The following FAM78B variants were observed in gnomAD, a reference collection of about 807,000 sequenced individuals.
FAM78B encodes the protein family with sequence similarity 78 member B.
In FAM78B, 10 loss-of-function variants were observed where a neutral mutation model predicts 20.0. The observed-to-expected ratio is 0.50, with a 90% CI of 0.31 to 0.85. The LOEUF (loss-of-function observed/expected upper bound fraction) is 0.85. FAM78B is among the 40% of genes least tolerant of loss of function. FAM78B has a pLI of 0.05. For missense variants in FAM78B, 283 were observed against 345.0 expected (o/e 0.82, Z 1.42); for synonymous variants, 135 against 132.8 (o/e 1.02, Z -0.12).
intron 1 of FAM78B, among the ~76,000 whole-genome samples, chr1:166,099,953 T>C (rs557352155): frequency 7.3e-4 from 111 of 152,170 alleles, no homozygotes; most frequent in Non-Finnish European, 1.4e-3. Context: ...AGCCGCAGAA[T>C]ACAGATTCTA....
chr1:166,068,842 C>CT (rs199980251), downstream of FAM78B, among the ~76,000 whole-genome samples: 175 of 152,186 alleles, frequency 1.1e-3, 1 homozygote, highest in East Asian at 0.031. Flanking sequence ...GGGAAAAGCT[C>CT]TTTTTTTGAG....
At chr1:166,151,642 T>C (rs1655677847) in intron 1 of FAM78B, among the ~76,000 whole-genome samples, 4 of 152,146 alleles carry the variant, frequency 2.6e-5, no homozygotes, top group East Asian at 1.9e-4. Context: ...CAAGAAACCA[T>C]CTTAGCTTCC....
intron 1 of FAM78B, among the ~76,000 whole-genome samples, chr1:166,147,364 T>C (rs1416763936): frequency 6.6e-6 from 1 of 152,334 alleles, no homozygotes; most frequent in East Asian, 1.9e-4. Context: ...GGCCCAGGGA[T>C]GTCCTCTCAT....
intron 1 of FAM78B, among the ~76,000 whole-genome samples, chr1:166,121,224 G>T (rs533226548): frequency 6.6e-5 from 10 of 152,316 alleles, no homozygotes; most frequent in Non-Finnish European, 1.5e-4. Flanking sequence ...AGGTCCACAA[G>T]GGGCCACATG....
intron 1 of FAM78B, among the ~76,000 whole-genome samples, chr1:166,142,359 G>T (rs1006360355): frequency 6.6e-6 from 1 of 152,144 alleles, no homozygotes; most frequent in Non-Finnish European, 1.5e-5. Flanking sequence ...CTACCACCCA[G>T]GCCTGGGAAG....
intron 1 of FAM78B, among the ~76,000 whole-genome samples, chr1:166,145,537 A>G (rs921705188): frequency 6.6e-6 from 1 of 152,238 alleles, no homozygotes; most frequent in African/African-American, 2.4e-5. Context: ...TCTCAGTTGC[A>G]TGGAGGAGGG....
At chr1:166,143,812 T>C (rs767045678) in intron 1 of FAM78B, among the ~76,000 whole-genome samples, 5 of 152,094 alleles carry the variant, frequency 3.3e-5, no homozygotes, top group Non-Finnish European at 7.4e-5. Context: ...TGACAATACA[T>C]TGAGCCCTTA....
intron 1 of FAM78B, among the ~76,000 whole-genome samples, chr1:166,082,383 G>A (rs141754844): frequency 2.0e-5 from 3 of 152,138 alleles, no homozygotes; most frequent in Non-Finnish European, 2.9e-5. Context: ...TTCTTTTTCT[G>A]AAAATAGAGA....
At chr1:166,159,496 C>A (rs1483584575) in intron 1 of FAM78B, among the ~76,000 whole-genome samples, 1 of 152,172 alleles carries the variant, frequency 6.6e-6, no homozygotes, top group East Asian at 1.9e-4. Flanking sequence ...ACTGCACACC[C>A]CACACCAGAC....
downstream of FAM78B, among the ~76,000 whole-genome samples, chr1:166,065,812 C>G (rs570167007): frequency 6.6e-6 from 1 of 152,288 alleles, no homozygotes; most frequent in South Asian, 2.1e-4. Context: ...ACAGAGCTTG[C>G]TCACTCAGCT....
chr1:166,127,935 T>C (rs1654702327), intron 1 of FAM78B, among the ~76,000 whole-genome samples: 1 of 152,218 alleles, frequency 6.6e-6, no homozygotes, highest in Non-Finnish European at 1.5e-5. Flanking sequence ...ACGATTATTT[T>C]AGAAGTAGCA....
chr1:166,125,696 C>G (rs1362992978), intron 1 of FAM78B, among the ~76,000 whole-genome samples: 1 of 152,138 alleles, frequency 6.6e-6, no homozygotes, highest in African/African-American at 2.4e-5. Context: ...CTGCATATAA[C>G]CTACGCACAT....
chr1:166,079,866 C>G (rs1179274705), intron 1 of FAM78B, among the ~76,000 whole-genome samples: 1 of 152,200 alleles, frequency 6.6e-6, no homozygotes, highest in African/African-American at 2.4e-5. Flanking sequence ...ATGGGCAGAG[C>G]TGGGAGATCT....
intron 1 of FAM78B, among the ~76,000 whole-genome samples, chr1:166,077,175 C>T (rs921027994): frequency 2.0e-5 from 3 of 151,952 alleles, no homozygotes; most frequent in South Asian, 2.1e-4. Context: ...AAGAAAAAAA[C>T]GAGAAGAAGT....
chr1:166,159,039 G>A (rs956472021), intron 1 of FAM78B, among the ~76,000 whole-genome samples: 2 of 152,224 alleles, frequency 1.3e-5, no homozygotes, highest in African/African-American at 4.8e-5. Flanking sequence ...GATCAAAGTG[G>A]TCCAGGGAAG....
chr1:166,158,337 G>GATAA (rs1324617386), intron 1 of FAM78B, among the ~76,000 whole-genome samples: 1 of 152,168 alleles, frequency 6.6e-6, no homozygotes, highest in African/African-American at 2.4e-5. Context: ...TAGACGGATA[G>GATAA]ATAAATAAAT....
chr1:166,105,905 A>G (rs1281341387), intron 1 of FAM78B, among the ~76,000 whole-genome samples: 5 of 151,778 alleles, frequency 3.3e-5, no homozygotes, highest in African/African-American at 1.2e-4. Flanking sequence ...ACACATGCAC[A>G]CGTATGTTTA....
chr1:166,122,928 T>A (rs578153274), intron 1 of FAM78B, among the ~76,000 whole-genome samples: 10 of 152,052 alleles, frequency 6.6e-5, no homozygotes, highest in Non-Finnish European at 1.2e-4. Flanking sequence ...GGCCCCTCTT[T>A]TATATGAGGG....
chr1:166,095,998 G>A (rs1653260972), intron 1 of FAM78B, among the ~76,000 whole-genome samples: 1 of 152,168 alleles, frequency 6.6e-6, no homozygotes, highest in Non-Finnish European at 1.5e-5. Flanking sequence ...GGTTCTCACA[G>A]GAATGCTCAA....
Sources: allele counts gnomAD v4.1 joint callset (sites outside exome capture counted in the v4.1 genomes callset), GRCh38; gene constraint gnomAD v4.1.1; transcripts MANE v1.5; gene names NCBI Gene and HGNC (gene_info 2026-07-23, HGNC 2026-07-21).